The following ART3 variants were observed in gnomAD, a reference collection of about 807,000 sequenced individuals.
The protein encoded by ART3 is ecto-ADP-ribosyltransferase 3.
ART3 carries 49 observed loss-of-function variants against 48.5 expected under a neutral mutation model. The ratio of observed to expected loss-of-function variants is 1.01; its 90% confidence interval spans 0.80 to 1.28. The LOEUF is 1.28. ART3 is among the 50% of genes most tolerant of loss of function. ART3 has a pLI of 0.00. For missense variants in ART3, 438 were observed against 454.3 expected, an observed-to-expected ratio of 0.96 and a Z score of 0.33; for synonymous variants, 145 against 157.2, an observed-to-expected ratio of 0.92 and a Z score of 0.58.
At chr4:76,012,834 C>A (rs779713183) in intron 1 of ART3, among the ~76,000 whole-genome samples, 1 of 152,164 alleles carries the variant, frequency 6.6e-6, no homozygotes, top group Non-Finnish European at 1.5e-5. Context: ...GAAAAGAAAA[C>A]ATGTTTATAC....
intron 11 of ART3, among the ~76,000 whole-genome samples, chr4:76,111,712 C>T (rs62318924): frequency 0.13 from 19,969 of 151,656 alleles, 1,533 homozygotes; most frequent in East Asian, 0.35. Flanking sequence ...CCGGCTAATT[C>T]TGTATATTTA....
At chr4:76,065,388 A>G (rs1208119287) in intron 1 of ART3, among the ~76,000 whole-genome samples, 1 of 152,108 alleles carries the variant, frequency 6.6e-6, no homozygotes, top group Non-Finnish European at 1.5e-5. Context: ...ATGTGGGAGG[A>G]AACCAGAGTC....
intron 1 of ART3, among the ~76,000 whole-genome samples, chr4:76,068,552 C>T (rs925773132): frequency 5.3e-5 from 8 of 152,048 alleles, no homozygotes; most frequent in Non-Finnish European, 2.9e-5. Context: ...CACATGTTAC[C>T]ACTTGTAAGT....
At position 76,104,433 on chromosome 4, in the gene ART3, G is replaced by T. The variant is rs138222472; in HGVS notation, c.971-164G>T. 92 of 985,386 alleles carry T rather than the reference G, an allele frequency of 9.3e-5. No homozygotes were observed. The East Asian group carries it at 7.9e-3, about 85-fold the overall frequency. 61.0% of individuals were successfully genotyped at this position (985,386 alleles called of 1,614,324 possible). A position where few individuals can be genotyped will look rare whatever the true frequency, so the allele number is the denominator to read the frequency against. On this transcript the variant is annotated intron_variant, in intron 9 of 11. Transcript: ENST00000355810. ...ACTCCTCTAATCATGGTGTGGATTT[G>T]TATAATAAGGGTTTACGTAAGCAGA...
At chr4:76,077,940 A>G (rs974639956) in intron 2 of ART3, among the ~76,000 whole-genome samples, 2 of 152,186 alleles carry the variant, frequency 1.3e-5, no homozygotes, top group Admixed American at 6.5e-5. Context: ...TTGGTTTTCA[A>G]TATACTCTTG....
intron 10 of ART3, chr4:76,105,392 G>A: frequency 1.2e-6 from 1 of 833,264 alleles, no homozygotes. Context: ...TGTAAAATGA[G>A]GAAAGCTTCT....
rs1578533101 is a variant in ART3, at chr4:76,092,989, A to T, written c.782-4655A>T. 2.6e-5 allele frequency among the ~76,000 whole-genome samples: 4 copies of T among 152,354 alleles called. 1 individual carries two copies. Among genetic ancestry groups the T allele is most frequent in the Admixed American group, 2.6e-4 (4 of 15,292 alleles). ...CAGAAGCCTGACATAAGTCTTGCTGAGCTGAAATTAAGGTGTTGGTAGGGC... is the reference window on the plus strand; with the variant it reads ...CAGAAGCCTGACATAAGTCTTGCTGTGCTGAAATTAAGGTGTTGGTAGGGC... On this transcript the variant is annotated intron_variant, in intron 3 of 11. Transcript: ENST00000355810.
At chr4:76,076,058 G>A (rs1720994592) in intron 2 of ART3, 100 bp downstream of exon 2, 2 of 1,054,044 alleles carry the variant, frequency 1.9e-6, no homozygotes, top group East Asian at 2.5e-5. Flanking sequence ...CTGCTGGAGT[G>A]CAGTGGCTCG....
chr4:76,022,936 T>C, intron 1 of ART3: 1 of 954,882 alleles, frequency 1.0e-6, no homozygotes, highest in Non-Finnish European at 1.6e-6. Context: ...TCACTTAATC[T>C]GAGGAGGAAT....
rs539925144 is a variant in ART3, at chr4:76,096,590, G to A, written c.782-1054G>A. Among the ~76,000 whole-genome samples the A allele has an allele frequency of 3.3e-5, 5 of 152,262 alleles. No homozygotes were observed. In the East Asian group the frequency reaches 7.7e-4, roughly 24 times the overall value. ...TGTTATGCATTCTGGTAGGCCTTCCGTATGGCTCATACTGCACCCAATCTG... is the reference window on the plus strand; with the variant it reads ...TGTTATGCATTCTGGTAGGCCTTCCATATGGCTCATACTGCACCCAATCTG... On this transcript the variant is annotated intron_variant, in intron 3 of 11. Coordinates refer to ENST00000355810, the MANE Select transcript of ART3 (RefSeq NM_001130016.3).
chr4:76,112,608 T>C lies in ART3; in HGVS notation c.*89T>C. The C allele has an allele frequency of 7.2e-7, 1 of 1,396,978 alleles. No homozygotes were observed. Among genetic ancestry groups the C allele is most frequent in the African/African-American group, 1.5e-5 (1 of 68,600 alleles). The allele number at this position is 1,396,978 out of a possible 1,614,324, so 86.5% of individuals were successfully genotyped here. The stretch of plus-strand genomic sequence containing the variant: ...CAAAAGGAATGATGTATTTTTTACG[T>C]GTTGGCCAAAGTCACTGGATAAAAT... On this transcript the variant is annotated 3_prime_UTR_variant, in exon 12 of 12. Coordinates refer to ENST00000355810, the MANE Select transcript of ART3 (RefSeq NM_001130016.3).
intron 1 of ART3, among the ~76,000 whole-genome samples, chr4:76,013,968 A>T (rs948884465): frequency 5.3e-5 from 8 of 152,228 alleles, no homozygotes; most frequent in Non-Finnish European, 2.9e-5. Flanking sequence ...GTAAATATCT[A>T]TCAATTCTTT....
At chr4:76,055,508 A>G (rs4543147) in intron 1 of ART3, among the ~76,000 whole-genome samples, 92,981 of 152,120 alleles carry the variant, frequency 0.61, 29,495 homozygotes, top group East Asian at 0.94. Context: ...GCGGGGTCAG[A>G]GGACAGCAGC....
At chr4:76,104,687 C>T (rs13130116) in intron 10 of ART3, 58 bp downstream of exon 10, 230,853 of 1,540,086 alleles carry the variant, frequency 0.15, 22,016 homozygotes, top group Admixed American at 0.38. Context: ...GTACAGTCAC[C>T]ATTAGATATG....
chr4:76,074,233 C>T (rs762523630), upstream of ART3, among the ~76,000 whole-genome samples: 13 of 152,016 alleles, frequency 8.6e-5, no homozygotes, highest in African/African-American at 1.9e-4. Context: ...GTTAAGTATG[C>T]GTATTCATGT....
intron 3 of ART3, among the ~76,000 whole-genome samples, chr4:76,085,162 C>CTGGT (rs1723281695): frequency 6.6e-6 from 1 of 152,176 alleles, no homozygotes; most frequent in Non-Finnish European, 1.5e-5. Context: ...ACTGAGTAAA[C>CTGGT]TGGTGAGGGG....
intron 10 of ART3, chr4:76,107,447 C>T (rs1236256413): frequency 1.1e-5 from 2 of 188,570 alleles, no homozygotes; most frequent in East Asian, 1.4e-4. Flanking sequence ...ATGCATGGCA[C>T]ATAGTGAACA....
chr4:76,015,920 C>A (rs899343353), intron 1 of ART3, among the ~76,000 whole-genome samples: 1 of 152,142 alleles, frequency 6.6e-6, no homozygotes, highest in African/African-American at 2.4e-5. Context: ...CAAGCCTGGC[C>A]TGGGATTATA....
At chr4:76,083,738 C>T (rs767317786) in intron 3 of ART3, among the ~76,000 whole-genome samples, 1 of 152,176 alleles carries the variant, frequency 6.6e-6, no homozygotes, top group Non-Finnish European at 1.5e-5. Context: ...TTACTAAACT[C>T]CTGATTACAG....
Sources: allele counts gnomAD v4.1 joint callset (sites outside exome capture counted in the v4.1 genomes callset), GRCh38; gene constraint gnomAD v4.1.1; transcripts MANE v1.5; gene names NCBI Gene and HGNC (gene_info 2026-07-23, HGNC 2026-07-21).